TMEM163: variants seen among roughly 807,000 people sequenced by gnomAD.
TMEM163 encodes transmembrane protein 163.
TMEM163 carries 17 observed loss-of-function variants against 29.3 expected under a neutral mutation model. The ratio of observed to expected loss-of-function variants is 0.58; its 90% CI spans 0.40 to 0.87. The LOEUF (loss-of-function observed/expected upper bound fraction) is 0.87. TMEM163 is among the 40% of genes least tolerant of loss of function. TMEM163 has a pLI of 0.00. For synonymous variants in TMEM163, 157 were observed against 160.6 expected (o/e 0.98, Z 0.17); for missense variants, 303 against 381.5 (o/e 0.79, Z 1.71).
At chr2:134,714,288 T>G (rs1179565343) in intron 1 of TMEM163, among the ~76,000 whole-genome samples, 2 of 152,202 alleles carry the variant, frequency 1.3e-5, no homozygotes, top group African/African-American at 4.8e-5. Flanking sequence ...TTACACCATC[T>G]CTGGTGAAAC....
chr2:134,498,321 T>C (rs942660840), intron 5 of TMEM163, among the ~76,000 whole-genome samples: 1 of 150,428 alleles, frequency 6.6e-6, no homozygotes, highest in African/African-American at 2.4e-5. Flanking sequence ...CCTGCTGCAG[T>C]CTCCACCGAT....
intron 2 of TMEM163, among the ~76,000 whole-genome samples, chr2:134,702,197 G>A (rs949623218): frequency 3.3e-5 from 5 of 152,164 alleles, no homozygotes; most frequent in Non-Finnish European, 7.3e-5. Flanking sequence ...AACAAGAACA[G>A]ACTATCTAGG....
Position 134,456,040 on chromosome 2 carries a change from A to G in TMEM163, c.*676T>C, listed in dbSNP as rs1686379458. The G allele has an allele frequency of 6.6e-6, 1 of 152,666 alleles. No homozygotes were observed. The allele number at this position is 152,666 out of a possible 1,614,324, so 9.5% of individuals were successfully genotyped here. On this transcript the variant is annotated 3_prime_UTR_variant, in exon 8 of 8. Coordinates refer to ENST00000281924, the MANE Select transcript of TMEM163 (RefSeq NM_030923.5). ...AACTGTAGTTTCACATCTCTCAAAAATGGACCCAGTTTTCACATGGATGTT... is the reference window on the plus strand; with the variant it reads ...AACTGTAGTTTCACATCTCTCAAAAGTGGACCCAGTTTTCACATGGATGTT...
intron 5 of TMEM163, among the ~76,000 whole-genome samples, chr2:134,480,187 A>T (rs1259631069): frequency 4.6e-5 from 7 of 151,824 alleles, no homozygotes; most frequent in Admixed American, 3.9e-4. Flanking sequence ...CTCTGCCCTC[A>T]CCTCCTAACA....
In TMEM163 at chr2:134,718,737, G is replaced by T; in HGVS notation, c.199C>A (p.Arg67=). 8.6e-7 allele frequency: 1 copy of T among 1,156,218 alleles called. No individual in the cohort carries two copies. The allele number at this position is 1,156,218 out of a possible 1,614,324, so 71.6% of individuals were successfully genotyped here. The change falls in exon 1 of 8, where the codon CGA becomes AGA. Residue 67 remains arginine (R), a synonymous_variant. Coordinates refer to ENST00000281924, the MANE Select transcript of TMEM163 (RefSeq NM_030923.5). ...GGGTCGGGCAGCTCGCGCTCACCTC[G>T]GTCCTCCAGCCCGTCGCTGAACTGG... ...SGQFSDGLED[R]GLLESSTRLK... is the part of the protein sequence containing the mutation.
chr2:134,661,932 T>C (rs1168235398), intron 2 of TMEM163, among the ~76,000 whole-genome samples: 3 of 139,172 alleles, frequency 2.2e-5, no homozygotes, highest in African/African-American at 5.5e-5. Context: ...TTTCTTTCTT[T>C]TTTTTTTTTT....
chr2:134,716,733 G>GA (rs756913381), intron 1 of TMEM163, among the ~76,000 whole-genome samples: 41 of 151,798 alleles, frequency 2.7e-4, no homozygotes, highest in Non-Finnish European at 4.6e-4. Context: ...AGCCCCATAA[G>GA]AAAAAAAATA....
chr2:134,566,266 T>C (rs1197708954), intron 2 of TMEM163, among the ~76,000 whole-genome samples: 1 of 152,188 alleles, frequency 6.6e-6, no homozygotes, highest in African/African-American at 2.4e-5. Context: ...GTCCCATTTC[T>C]ACCTTTTACA....
intron 2 of TMEM163, among the ~76,000 whole-genome samples, chr2:134,588,703 T>G (rs1258713691): frequency 6.6e-6 from 1 of 152,172 alleles, no homozygotes; most frequent in African/African-American, 2.4e-5. Context: ...CCCTGACCCC[T>G]ACAAACTCAT....
At chr2:134,587,622 T>G (rs1312799481) in intron 2 of TMEM163, among the ~76,000 whole-genome samples, 1 of 152,158 alleles carries the variant, frequency 6.6e-6, no homozygotes, top group Non-Finnish European at 1.5e-5. Flanking sequence ...AAACTCTGTC[T>G]CCTAACTGTT....
intron 5 of TMEM163, chr2:134,468,166 A>T (rs1247192559): frequency 6.6e-6 from 1 of 152,254 alleles, no homozygotes; most frequent in Middle Eastern, 3.2e-3. Flanking sequence ...TCACACATGG[A>T]AACCTAATTG....
intron 2 of TMEM163, among the ~76,000 whole-genome samples, chr2:134,586,002 C>T (rs1242133838): frequency 6.6e-6 from 1 of 152,004 alleles, no homozygotes; most frequent in African/African-American, 2.4e-5. Flanking sequence ...AAGAAGAGCC[C>T]AACAAAGTCT....
intron 2 of TMEM163, among the ~76,000 whole-genome samples, chr2:134,649,576 T>C (rs1261105659): frequency 6.6e-6 from 1 of 152,182 alleles, no homozygotes; most frequent in African/African-American, 2.4e-5. Context: ...AGATAAATGC[T>C]TACACTGATT....
intron 2 of TMEM163, among the ~76,000 whole-genome samples, chr2:134,564,479 T>C (rs972021789): frequency 3.9e-5 from 6 of 152,116 alleles, no homozygotes; most frequent in Admixed American, 3.3e-4. Context: ...AAGGTAAAGA[T>C]TTTTTAAACT....
Position 134,550,650 on chromosome 2 carries a change from G to T in TMEM163, c.378C>A (p.Ile126=), listed in dbSNP as rs1407171543. The part of the protein sequence containing the change: ...ASAFGFAFDA[I]LDVLSSAIVL... ...CAATCGCCGATGACAGGACGTCCAG[G>T]ATGGCATCAAACTAGGAGAAGGAGA... Residue 126 remains isoleucine (I), a synonymous_variant, in exon 4 of 8, where the codon ATC becomes ATA. Transcript: ENST00000281924. The T allele has an allele frequency of 6.2e-7, 1 of 1,614,176 alleles. No homozygotes were observed. The highest frequency in any genetic ancestry group is 2.2e-5 in the East Asian group (1 of 44,890).
At chr2:134,679,216 T>C (rs1005333142) in intron 2 of TMEM163, among the ~76,000 whole-genome samples, 2 of 152,200 alleles carry the variant, frequency 1.3e-5, no homozygotes, top group African/African-American at 4.8e-5. Context: ...TACCAAGTGG[T>C]GTTTTAACAA....
At chr2:134,463,049 C>T (rs1686585114) in intron 6 of TMEM163, among the ~76,000 whole-genome samples, 2 of 152,232 alleles carry the variant, frequency 1.3e-5, no homozygotes, top group African/African-American at 4.8e-5. Flanking sequence ...CACTGGGAGC[C>T]CACAAAGCTG....
intron 2 of TMEM163, among the ~76,000 whole-genome samples, chr2:134,651,893 CATTG>C (rs1683487986): frequency 9.0e-6 from 1 of 110,510 alleles, no homozygotes; most frequent in South Asian, 3.4e-4. Context: ...TGTTCTGTTC[CATTG>C]ATCTATATCT....
intron 2 of TMEM163, among the ~76,000 whole-genome samples, chr2:134,636,236 G>T (rs1032983351): frequency 6.6e-6 from 1 of 152,238 alleles, no homozygotes; most frequent in African/African-American, 2.4e-5. Context: ...AGGCTGGCTG[G>T]CAAAGACCAG....
Sources: gnomAD v4.1 joint callset for allele counts (sites outside exome capture counted in the v4.1 genomes callset) on GRCh38, gnomAD v4.1.1 for gene constraint, MANE v1.5 for transcripts, NCBI Gene and HGNC (gene_info 2026-07-23, HGNC 2026-07-21) for gene names.